Variants in GNAO1 observed in about 807,000 individuals in gnomAD.
GNAO1 encodes the protein G protein subunit alpha o1, also known as guanine nucleotide-binding protein G(o) subunit alpha.
For missense variants in GNAO1, 166 were observed against 478.7 expected (o/e 0.35, Z 6.10); for synonymous variants, 164 against 180.7 (o/e 0.91, Z 0.74).
chr16:56,325,337 G>A (rs758138805), intron 3 of GNAO1, among the ~76,000 whole-genome samples: 13 of 152,204 alleles, frequency 8.5e-5, no homozygotes, highest in East Asian at 1.9e-4. Context: ...TTAGCCGGGC[G>A]TGGTGGCACA....
intron 2 of GNAO1, among the ~76,000 whole-genome samples, chr16:56,240,208 G>C (rs912067701): frequency 6.6e-6 from 1 of 152,142 alleles, no homozygotes. Context: ...TCCTCTCATT[G>C]GTCTCAGCTC....
chr16:56,332,701 C>T (rs2037701127), intron 4 of GNAO1, among the ~76,000 whole-genome samples: 1 of 152,242 alleles, frequency 6.6e-6, no homozygotes, highest in South Asian at 2.1e-4. Context: ...ACACCTTGCC[C>T]ACCCTCCACA....
Position 56,192,021 on chromosome 16 carries a change from G to A in GNAO1, c.-215G>A, listed in dbSNP as rs1276373953. The stretch of plus-strand genomic sequence containing the variant: ...CTCGATTCGACAACCCCAGACCCCT[G>A]CCAGCTGCCGCGAGTCTCCGCTGCT... On this transcript the variant is annotated 5_prime_UTR_variant, in exon 1 of 9. Coordinates refer to ENST00000262493, the MANE Select transcript of GNAO1 (RefSeq NM_020988.3). The A allele has an allele frequency of 1.1e-5, 6 of 566,466 alleles. No individual in the cohort carries two copies. The highest frequency in any genetic ancestry group is 1.6e-5 in the Non-Finnish European group (5 of 317,766). 35.1% of individuals were successfully genotyped at this position (566,466 alleles called of 1,614,324 possible).
At chr16:56,355,154 A>C (rs530986853) in intron 8 of GNAO1, 73 bp downstream of exon 8, 20 of 508,604 alleles carry the variant, frequency 3.9e-5, no homozygotes, top group Admixed American at 1.0e-4. Flanking sequence ...ACACACACAC[A>C]CCACTAACAA....
intron 6 of GNAO1, chr16:56,347,185 C>G (rs1331118365): frequency 2.0e-6 from 2 of 985,294 alleles, no homozygotes; most frequent in Non-Finnish European, 2.4e-6. Context: ...GTCTGGGGCA[C>G]AGAGCCTCCT....
intron 2 of GNAO1, among the ~76,000 whole-genome samples, chr16:56,274,281 T>G (rs2143516887): frequency 6.6e-6 from 1 of 152,344 alleles, no homozygotes; most frequent in East Asian, 1.9e-4. Flanking sequence ...TTTGTCTGGT[T>G]TTCTAGTTGT....
chr16:56,298,937 A>G (rs964225979), intron 3 of GNAO1, among the ~76,000 whole-genome samples: 10 of 152,052 alleles, frequency 6.6e-5, no homozygotes, highest in Middle Eastern at 3.4e-3. Flanking sequence ...AAAAGGGTTA[A>G]TTAAATAAAA....
At chr16:56,209,022 TG>T (rs2036359440) in intron 2 of GNAO1, among the ~76,000 whole-genome samples, 2 of 152,336 alleles carry the variant, frequency 1.3e-5, no homozygotes, top group African/African-American at 2.4e-5. Context: ...TTTTGGTTAG[TG>T]TTTTTTTTGT....
intron 3 of GNAO1, among the ~76,000 whole-genome samples, chr16:56,306,613 T>A (rs1241987620): frequency 6.6e-6 from 1 of 151,964 alleles, no homozygotes; most frequent in African/African-American, 2.4e-5. Context: ...CACCTTATGT[T>A]AAAGATAAAA....
intron 4 of GNAO1, among the ~76,000 whole-genome samples, chr16:56,330,154 T>A (rs1001982405): frequency 1.3e-5 from 2 of 152,214 alleles, no homozygotes; most frequent in African/African-American, 4.8e-5. Flanking sequence ...TCCCAGGTGA[T>A]GACTACCTAG....
At chr16:56,267,744 A>G (rs774051375) in intron 2 of GNAO1, among the ~76,000 whole-genome samples, 3 of 152,170 alleles carry the variant, frequency 2.0e-5, no homozygotes, top group Non-Finnish European at 4.4e-5. Flanking sequence ...CCCTATTAGA[A>G]TGCAAGCTCC....
intron 3 of GNAO1, among the ~76,000 whole-genome samples, chr16:56,315,634 A>C (rs2037500782): frequency 6.6e-6 from 1 of 152,114 alleles, no homozygotes; most frequent in Non-Finnish European, 1.5e-5. Flanking sequence ...CCAGAGGGGC[A>C]GTGGTTGGAG....
chr16:56,343,363 G>C (rs770846346), intron 6 of GNAO1, among the ~76,000 whole-genome samples: 313 of 151,312 alleles, frequency 2.1e-3, no homozygotes, highest in Middle Eastern at 3.4e-3. Context: ...GCCAGGTGTG[G>C]TTTCCAGCTA....
chr16:56,343,969 G>T (rs377124402), intron 6 of GNAO1: 4 of 1,610,328 alleles, frequency 2.5e-6, no homozygotes, highest in East Asian at 2.2e-5. Context: ...GCCCTGCCCG[G>T]CACCCTTGCC....
chr16:56,209,778 A>G (rs2036368220), intron 2 of GNAO1, among the ~76,000 whole-genome samples: 1 of 152,142 alleles, frequency 6.6e-6, no homozygotes, highest in Non-Finnish European at 1.5e-5. Context: ...AGAATTGAGA[A>G]AGGGGTACAG....
intron 2 of GNAO1, among the ~76,000 whole-genome samples, chr16:56,227,735 A>G (rs1268778094): frequency 1.4e-5 from 2 of 148,022 alleles, no homozygotes; most frequent in East Asian, 2.0e-4. Context: ...TTCTGATTCT[A>G]TACATACTAA....
intron 2 of GNAO1, among the ~76,000 whole-genome samples, chr16:56,229,315 G>A (rs186703517): frequency 1.1e-3 from 168 of 152,148 alleles, no homozygotes; most frequent in African/African-American, 4.0e-3. Context: ...AGTAATTCTC[G>A]TGCCTCAGCC....
At chr16:56,197,783 C>T (rs2036247485) in intron 2 of GNAO1, among the ~76,000 whole-genome samples, 1 of 152,206 alleles carries the variant, frequency 6.6e-6, no homozygotes, top group African/African-American at 2.4e-5. Flanking sequence ...CATGCCACAT[C>T]TGCTAAAGAT....
intron 2 of GNAO1, among the ~76,000 whole-genome samples, chr16:56,203,882 G>A (rs2036302485): frequency 6.6e-6 from 1 of 152,198 alleles, no homozygotes; most frequent in Non-Finnish European, 1.5e-5. Context: ...AATGTGAAGA[G>A]AAGTGACTGG....
Sources: gnomAD v4.1 joint callset for allele counts (sites outside exome capture counted in the v4.1 genomes callset) on GRCh38, gnomAD v4.1.1 for gene constraint, MANE v1.5 for transcripts, NCBI Gene and HGNC (gene_info 2026-07-23, HGNC 2026-07-21) for gene names.